Variants in SLC24A2 observed in about 807,000 individuals in gnomAD.
SLC24A2 encodes solute carrier family 24 member 2.
In SLC24A2, 36 loss-of-function variants were observed where a neutral mutation model predicts 62.0. The observed-to-expected ratio is 0.58, with a 90% CI of 0.44 to 0.77. The LOEUF is 0.77. SLC24A2 is among the 30% of genes least tolerant of loss of function. The probability of loss-of-function intolerance (pLI) is 0.00; values close to 1 mark genes in which losing one functional copy is unlikely to be tolerated. For synonymous variants in SLC24A2, 358 were observed against 294.0 expected (o/e 1.22, Z -2.23); for missense variants, 846 against 817.9 (o/e 1.03, Z -0.42).
the SLC24A2 span, among the ~76,000 whole-genome samples, chr9:20,029,373 A>C: frequency 6.6e-6 from 1 of 152,186 alleles, no homozygotes; most frequent in Non-Finnish European, 1.5e-5. Flanking sequence ...TTTTAAAAGG[A>C]TTTTCATGGG....
chr9:20,080,110 G>T, the SLC24A2 span, among the ~76,000 whole-genome samples: 1 of 152,156 alleles, frequency 6.6e-6, no homozygotes, highest in African/African-American at 2.4e-5. Flanking sequence ...TTTCTTCACA[G>T]AATTGGAAAA....
chr9:20,056,216 C>G, the SLC24A2 span, among the ~76,000 whole-genome samples: 1 of 152,092 alleles, frequency 6.6e-6, no homozygotes, highest in African/African-American at 2.4e-5. Flanking sequence ...GCAAATTGAG[C>G]ACTGTGTGTG....
the SLC24A2 span, among the ~76,000 whole-genome samples, chr9:19,920,998 T>C: frequency 6.6e-6 from 1 of 151,730 alleles, no homozygotes; most frequent in East Asian, 1.9e-4. Flanking sequence ...CATAGGGTTG[T>C]TGTGAGGATT....
the SLC24A2 span, among the ~76,000 whole-genome samples, chr9:20,085,454 G>A: frequency 1.2e-4 from 19 of 152,330 alleles, 1 homozygote; most frequent in African/African-American, 4.3e-4. Context: ...TCAAGAGAAT[G>A]ATGCTTCCAA....
chr9:19,545,348 T>C (rs1295541312), intron 8 of SLC24A2, among the ~76,000 whole-genome samples: 1 of 152,164 alleles, frequency 6.6e-6, no homozygotes, highest in Non-Finnish European at 1.5e-5. Flanking sequence ...TCAAGGTTCT[T>C]AGCTTCCTTG....
chr9:19,983,825 T>C, the SLC24A2 span, among the ~76,000 whole-genome samples: 1 of 152,152 alleles, frequency 6.6e-6, no homozygotes, highest in Non-Finnish European at 1.5e-5. Flanking sequence ...GAAAGACTTG[T>C]ACACTGAAAA....
chr9:19,851,155 T>C, the SLC24A2 span, among the ~76,000 whole-genome samples: 1 of 147,872 alleles, frequency 6.8e-6, no homozygotes, highest in Non-Finnish European at 1.5e-5. Flanking sequence ...TCCCGAGTAG[T>C]TGGGATTGTA....
chr9:19,816,985 C>A, the SLC24A2 span, among the ~76,000 whole-genome samples: 1 of 152,122 alleles, frequency 6.6e-6, no homozygotes, highest in Non-Finnish European at 1.5e-5. Flanking sequence ...AGCATAGTAG[C>A]ACTTAATAAG....
chr9:20,303,808 G>T, the SLC24A2 span, among the ~76,000 whole-genome samples: 8 of 152,232 alleles, frequency 5.3e-5, no homozygotes, highest in Admixed American at 1.3e-4. Flanking sequence ...ACAACCTAGC[G>T]GCAAAACCTC....
the SLC24A2 span, among the ~76,000 whole-genome samples, chr9:20,102,089 T>A: frequency 1.3e-5 from 2 of 152,314 alleles, no homozygotes; most frequent in Middle Eastern, 3.4e-3. Flanking sequence ...TGATCAAACC[T>A]TGGGTACTCA....
the SLC24A2 span, among the ~76,000 whole-genome samples, chr9:20,121,007 C>T: frequency 6.6e-4 from 99 of 150,330 alleles, no homozygotes; most frequent in Non-Finnish European, 6.1e-4. Context: ...AACCAGTATA[C>T]GTGTTTAATT....
chr9:19,990,090 A>G, the SLC24A2 span, among the ~76,000 whole-genome samples: 1 of 152,200 alleles, frequency 6.6e-6, no homozygotes. Flanking sequence ...AACATTTTCA[A>G]TATTTTAGGT....
the SLC24A2 span, among the ~76,000 whole-genome samples, chr9:20,119,967 C>T: frequency 6.6e-6 from 1 of 152,140 alleles, no homozygotes; most frequent in Non-Finnish European, 1.5e-5. Context: ...AAGTGTGACA[C>T]AAGTCTCACT....
At chr9:19,693,649 A>T (rs1231408101) in intron 2 of SLC24A2, among the ~76,000 whole-genome samples, 1 of 152,148 alleles carries the variant, frequency 6.6e-6, no homozygotes, top group Non-Finnish European at 1.5e-5. Context: ...AAGACTGATA[A>T]GCACTAAAGT....
At chr9:19,583,728 G>A (rs1836277671) in intron 5 of SLC24A2, among the ~76,000 whole-genome samples, 1 of 152,128 alleles carries the variant, frequency 6.6e-6, no homozygotes, top group Admixed American at 6.5e-5. Context: ...AAAATGGGGT[G>A]TACCAGGTGT....
At chr9:20,229,838 T>A in the SLC24A2 span, among the ~76,000 whole-genome samples, 1 of 151,944 alleles carries the variant, frequency 6.6e-6, no homozygotes, top group Non-Finnish European at 1.5e-5. Context: ...ACCCATTAAC[T>A]CGTCATTTAG....
At chr9:20,132,124 T>C in the SLC24A2 span, among the ~76,000 whole-genome samples, 2 of 152,062 alleles carry the variant, frequency 1.3e-5, no homozygotes, top group Non-Finnish European at 2.9e-5. Flanking sequence ...CAGTTAGCAG[T>C]TGAACTTTCA....
At position 19,788,996 on chromosome 9, in the gene SLC24A2, G is replaced by T; in HGVS notation, c.-265C>A. 1.0e-6 allele frequency: 1 copy of T among 962,470 alleles called. No homozygotes were observed. Among genetic ancestry groups the T allele is most frequent in the Non-Finnish European group, 1.2e-6 (1 of 808,910 alleles). 59.6% of individuals were successfully genotyped at this position (962,470 alleles called of 1,614,324 possible). A position where few individuals can be genotyped will look rare whatever the true frequency, so the allele number is the denominator to read the frequency against. The stretch of plus-strand genomic sequence containing the variant: ...TGAGGCCCGGGCTCTGGCTCGCACT[G>T]GCTGCCGCTCTCGCCAGCCGGGCTG... On this transcript the variant is annotated 5_prime_UTR_variant, in exon 1 of 11. Transcript: ENST00000341998.
the SLC24A2 span, among the ~76,000 whole-genome samples, chr9:19,970,280 T>C: frequency 6.6e-6 from 1 of 152,208 alleles, no homozygotes; most frequent in African/African-American, 2.4e-5. Flanking sequence ...AGTCACTAAC[T>C]GGAGAGTTAA....
Sources: gnomAD v4.1 joint callset for allele counts (sites outside exome capture counted in the v4.1 genomes callset) on GRCh38, gnomAD v4.1.1 for gene constraint, MANE v1.5 for transcripts, NCBI Gene and HGNC (gene_info 2026-07-23, HGNC 2026-07-21) for gene names.